Variants in LIPJ observed in about 807,000 individuals in gnomAD.
LIPJ encodes lipase family member J.
LIPJ carries 33 observed loss-of-function variants against 39.8 expected under a neutral mutation model. The ratio of observed to expected loss-of-function variants is 0.83; its 90% CI spans 0.63 to 1.11. The LOEUF is 1.11. Among genes scored for constraint, LIPJ ranks in the 50% least tolerant of loss-of-function variants. The pLI is 0.00. For synonymous variants in LIPJ, 128 were observed against 139.2 expected (o/e 0.92, Z 0.57); for missense variants, 422 against 427.9 (o/e 0.99, Z 0.12).
At chr10:88,595,398 A>T (rs914321432) in intron 6 of LIPJ, among the ~76,000 whole-genome samples, 1 of 151,784 alleles carries the variant, frequency 6.6e-6, no homozygotes, top group African/African-American at 2.4e-5. Flanking sequence ...AATGAAGCTA[A>T]TATTAAGTAA....
At chr10:88,605,607 G>T in intron 9 of LIPJ, 26 bp from the exon 10 acceptor site, 1 of 1,516,962 alleles carries the variant, frequency 6.6e-7, no homozygotes, top group Non-Finnish European at 9.1e-7. Context: ...CAAATGATAT[G>T]GTCTTATTTT....
chr10:88,609,898 C>CAAA (rs11305444), downstream of LIPJ, among the ~76,000 whole-genome samples: 1 of 84,554 alleles, frequency 1.2e-5, no homozygotes, highest in Non-Finnish European at 2.3e-5. Flanking sequence ...GACTCTGTCT[C>CAAA]AAAAAAAAAA....
exon 5 of LIPJ, chr10:88,593,959 T>G (rs1203665482): frequency 1.2e-6 from 2 of 1,611,958 alleles, no homozygotes; most frequent in Non-Finnish European, 1.7e-6. Context: ...AGAGGGTTGT[T>G]GTATACTTGC....
intron 5 of LIPJ, 130 bp downstream of exon 5, chr10:88,594,274 T>C: frequency 1.5e-6 from 1 of 662,802 alleles, no homozygotes; most frequent in Non-Finnish European, 2.5e-6. Context: ...TTACAATTTA[T>C]GTGAATTTTT....
chr10:88,600,367 C>T (rs1851432234), intron 8 of LIPJ, among the ~76,000 whole-genome samples: 1 of 152,034 alleles, frequency 6.6e-6, no homozygotes, highest in Non-Finnish European at 1.5e-5. Flanking sequence ...GTTCAATAAT[C>T]CTGTCTCTTG....
upstream of LIPJ, chr10:88,583,282 T>C (rs1170106211): frequency 2.3e-5 from 36 of 1,555,780 alleles, no homozygotes; most frequent in Non-Finnish European, 2.7e-5. Flanking sequence ...GCGCTAGCGC[T>C]CTTTGGTTCC....
At chr10:88,623,014 T>C in the LIPJ span, among the ~76,000 whole-genome samples, 1 of 152,194 alleles carries the variant, frequency 6.6e-6, no homozygotes, top group Non-Finnish European at 1.5e-5. Context: ...TCAACAATTC[T>C]CTTTAACTTT....
At chr10:88,594,446 CA>C (rs1230490079) in intron 5 of LIPJ, 1 of 463,786 alleles carries the variant, frequency 2.2e-6, no homozygotes, top group Non-Finnish European at 3.8e-6. Flanking sequence ...CTCTATTTTT[CA>C]TATACAAACA....
intron 9 of LIPJ, among the ~76,000 whole-genome samples, chr10:88,603,912 C>A (rs539555640): frequency 1.4e-4 from 22 of 152,186 alleles, no homozygotes; most frequent in African/African-American, 5.3e-4. Flanking sequence ...ATCTAAACAA[C>A]CTTTGCAATT....
At chr10:88,594,350 A>G in intron 5 of LIPJ, 1 of 553,836 alleles carries the variant, frequency 1.8e-6, no homozygotes, top group Non-Finnish European at 3.2e-6. Flanking sequence ...AATAATCTTT[A>G]TTTCTTACTT....
Position 88,598,439 on chromosome 10 carries a change from A to G in LIPJ, c.723+1503A>G, listed in dbSNP as rs555786157. 7.9e-5 allele frequency among the ~76,000 whole-genome samples: 12 copies of G among 152,146 alleles called. No individual in the cohort carries two copies. The South Asian group carries it at 2.5e-3, about 32-fold the overall frequency. Reference sequence around the variant, plus strand: ...TTGGAAAATGTATCATCAAACAACCAAAGTTTTGACCTTGTCCAGGTGTTA... The same window carrying G: ...TTGGAAAATGTATCATCAAACAACCGAAGTTTTGACCTTGTCCAGGTGTTA... On this transcript the variant is annotated intron_variant, in intron 8 of 10. Transcript: ENST00000371939.
At chr10:88,608,745 A>T (rs553400845), downstream of LIPJ, among the ~76,000 whole-genome samples, 35 of 152,364 alleles carry the variant, frequency 2.3e-4, no homozygotes, top group African/African-American at 7.7e-4. Flanking sequence ...TATTATACAA[A>T]TGAGGCAGGA....
At chr10:88,591,581 A>G in intron 4 of LIPJ, 83 bp downstream of exon 4, 1 of 1,198,524 alleles carries the variant, frequency 8.3e-7, no homozygotes, top group South Asian at 1.6e-5. Flanking sequence ...ACATAGGACA[A>G]GAAAAGCATC....
At chr10:88,598,719 G>A (rs112110214) in intron 8 of LIPJ, among the ~76,000 whole-genome samples, 3,029 of 151,832 alleles carry the variant, frequency 0.02, 73 homozygotes, top group South Asian at 0.084. Context: ...GAACAGAACA[G>A]TGCGATTTGG....
chr10:88,586,776 T>TTCAC lies in LIPJ; in HGVS notation c.-298_-295dup, dbSNP rs1434189870. ...TTAGAATTCTCAGAGACTATGAGGG[T>TTCAC]TCACTATCTGTTTGCTGGAAGATAT... On this transcript the variant is annotated 5_prime_UTR_variant, in exon 1 of 11. An upstream open reading frame in the 5' UTR loses its in-frame stop. Coordinates refer to ENST00000371939, the Ensembl canonical transcript of LIPJ. 6.6e-6 allele frequency: 1 copy of TTCAC among 152,154 alleles called. No individual in the cohort carries two copies. The highest frequency in any genetic ancestry group is 2.4e-5 in the African/African-American group (1 of 41,436). The allele number at this position is 152,154 out of a possible 1,614,324, so 9.4% of individuals were successfully genotyped here.
At chr10:88,619,812 A>C in the LIPJ span, among the ~76,000 whole-genome samples, 1 of 152,168 alleles carries the variant, frequency 6.6e-6, no homozygotes, top group Non-Finnish European at 1.5e-5. Flanking sequence ...TATAGAAAAC[A>C]TGGGAGAAAA....
At chr10:88,598,423 G>T (rs1350266855) in intron 8 of LIPJ, among the ~76,000 whole-genome samples, 1 of 152,006 alleles carries the variant, frequency 6.6e-6, no homozygotes, top group African/African-American at 2.4e-5. Context: ...CTTGGAAAAT[G>T]TATCATCAAA....
chr10:88,596,165 A>G (rs1255014158), intron 6 of LIPJ, 115 bp from the exon 7 acceptor site: 3 of 647,378 alleles, frequency 4.6e-6, no homozygotes, highest in Non-Finnish European at 4.6e-6. Flanking sequence ...TTAAGAAATA[A>G]GTTAATTGTT....
chr10:88,622,283 T>C, the LIPJ span, among the ~76,000 whole-genome samples: 1 of 152,190 alleles, frequency 6.6e-6, no homozygotes, highest in African/African-American at 2.4e-5. Flanking sequence ...CCCTTCTTTA[T>C]CCTTCTCCCT....
Sources: allele counts gnomAD v4.1 joint callset (sites outside exome capture counted in the v4.1 genomes callset), GRCh38; gene constraint gnomAD v4.1.1; transcripts MANE v1.5; gene names NCBI Gene and HGNC (gene_info 2026-07-23, HGNC 2026-07-21).